Variants in ADGRE2 observed in about 807,000 individuals in gnomAD.
ADGRE2 encodes CD97 antigen.
ADGRE2 carries 83 observed loss-of-function variants against 100.8 expected under a neutral mutation model. The observed-to-expected ratio is 0.82, with a 90% confidence interval of 0.69 to 0.99. The LOEUF is 0.99. Ranked by LOEUF, ADGRE2 falls within the 50% of genes least tolerant of loss-of-function variation. The probability of loss-of-function intolerance (pLI) is 0.00; values close to 1 mark genes in which losing one functional copy is unlikely to be tolerated. For synonymous variants in ADGRE2, 355 were observed against 413.0 expected, an observed-to-expected ratio of 0.86 and a Z score of 1.70; for missense variants, 814 against 1,035.7, an observed-to-expected ratio of 0.79 and a Z score of 2.94.
intron 20 of ADGRE2, 58 bp from the exon 21 acceptor site, chr19:14,736,302 C>T (rs2042743661): frequency 8.8e-6 from 11 of 1,243,794 alleles, no homozygotes; most frequent in Non-Finnish European, 1.3e-5. Context: ...ACTCTTGTTG[C>T]CTGGGCTGGA....
At chr19:14,763,841 C>G (rs1202212410) in intron 11 of ADGRE2, among the ~76,000 whole-genome samples, 3 of 112,170 alleles carry the variant, frequency 2.7e-5, no homozygotes, top group African/African-American at 9.9e-5. Flanking sequence ...CTCCTTCTCT[C>G]CTCCTCCTCT....
chr19:14,768,593 C>T (rs560747243), intron 5 of ADGRE2, among the ~76,000 whole-genome samples: 15 of 152,262 alleles, frequency 9.9e-5, no homozygotes, highest in South Asian at 6.2e-4. Flanking sequence ...AGGCTTGGAG[C>T]AATGGCCCTG....
At chr19:14,759,780 C>A (rs2043646238) in intron 11 of ADGRE2, among the ~76,000 whole-genome samples, 1 of 150,124 alleles carries the variant, frequency 6.7e-6, no homozygotes, top group African/African-American at 2.5e-5. Flanking sequence ...CGGGTGTGAG[C>A]CACCAAGCCA....
rs149318162 is a variant in ADGRE2 at position 14,751,892 on chromosome 19, T to TACAC, written c.1789-225_1789-222dup. 8.7e-3 allele frequency among the ~76,000 whole-genome samples: 1,211 copies of TACAC among 139,598 alleles called. 22 individuals carry two copies. The highest frequency in any genetic ancestry group is 0.029 in the African/African-American group (1,078 of 37,652). The allele number at this position is 139,598 out of a possible 152,430, so 91.6% of individuals were successfully genotyped here. On this transcript the variant is annotated intron_variant, in intron 15 of 20. Transcript: ENST00000315576. ...ATATATATACGTGTATATATACGTATACACACACACACACACACACATATA... is the reference window on the plus strand; with the variant it reads ...ATATATATACGTGTATATATACGTATACACACACACACACACACACACACATATA...
At chr19:14,769,919 C>T (rs1213024628) in intron 5 of ADGRE2, among the ~76,000 whole-genome samples, 15 of 152,128 alleles carry the variant, frequency 9.9e-5, no homozygotes, top group African/African-American at 1.4e-4. Flanking sequence ...AGGATGGTCT[C>T]GATCTCCTGA....
chr19:14,769,852 C>A (rs576566135), intron 5 of ADGRE2, among the ~76,000 whole-genome samples: 1 of 152,134 alleles, frequency 6.6e-6, no homozygotes, highest in Non-Finnish European at 1.5e-5. Context: ...CACCCACCAC[C>A]ACGCCCAGCT....
At chr19:14,773,646 G>C (rs1035936174) in intron 4 of ADGRE2, among the ~76,000 whole-genome samples, 2 of 151,834 alleles carry the variant, frequency 1.3e-5, no homozygotes, top group African/African-American at 2.4e-5. Context: ...TGAGTAGCTG[G>C]GACTCCAGAT....
At chr19:14,758,758 G>C (rs558596557) in intron 11 of ADGRE2, among the ~76,000 whole-genome samples, 1 of 151,828 alleles carries the variant, frequency 6.6e-6, no homozygotes, top group Non-Finnish European at 1.5e-5. Context: ...GGTGGTGGGC[G>C]CCTGTAGTCC....
At chr19:14,763,159 C>T (rs1175605322) in intron 11 of ADGRE2, among the ~76,000 whole-genome samples, 2 of 151,960 alleles carry the variant, frequency 1.3e-5, no homozygotes, top group African/African-American at 2.4e-5. Flanking sequence ...CTGGCTAACA[C>T]GGTGCAACCC....
chr19:14,736,073 G>T lies in ADGRE2; in HGVS notation c.*163C>A. ...CATGGAAGATTTCCGGTTTCTGCAG[G>T]AATTGAATGCCTAGCACGCCTTCCA... On this transcript the variant is annotated 3_prime_UTR_variant, in exon 21 of 21. Coordinates refer to ENST00000315576, the MANE Select transcript of ADGRE2 (RefSeq NM_013447.4). The T allele has an allele frequency of 1.5e-6, 1 of 664,340 alleles. No homozygotes were observed. The highest frequency in any genetic ancestry group is 2.6e-4 in the Middle Eastern group (1 of 3,794). 41.2% of individuals were successfully genotyped at this position (664,340 alleles called of 1,614,324 possible).
At chr19:14,763,684 TCTC>T (rs1316896047) in intron 11 of ADGRE2, among the ~76,000 whole-genome samples, 32 of 58,530 alleles carry the variant, frequency 5.5e-4, no homozygotes, top group African/African-American at 1.8e-3. Flanking sequence ...CTCCTTCTCT[TCTC>T]CTCCTCTTCT....
In ADGRE2 at chr19:14,734,650, C is replaced by T. The variant is rs903279227; in HGVS notation, c.*1586G>A. On this transcript the variant is annotated 3_prime_UTR_variant, in exon 21 of 21. Transcript: ENST00000315576. ...CCATGTTGACCAGGCTGGTCTTGAA[C>T]TCCTGACCTTAGGTGATCTGACCAC... The T allele has an allele frequency of 1.3e-5, 2 of 152,222 alleles. No individual in the cohort carries two copies. The highest frequency in any genetic ancestry group is 2.9e-5 in the Non-Finnish European group (2 of 68,076). 9.4% of individuals were successfully genotyped at this position (152,222 alleles called of 1,614,324 possible).
In ADGRE2 at chr19:14,751,646, G is replaced by A. The variant is rs4410209; in HGVS notation, c.1814C>T (p.Thr605Ile). Residue 605 changes from threonine to isoleucine, a missense_variant, in exon 16 of 21, where the codon ACC (threonine) becomes ATC (isoleucine). Thr to Ile is a moderately conservative substitution (Grantham distance 89). Around this residue, in one of 5 missense-constraint regions of ADGRE2, gnomAD observed 569 missense variants for 692.7 expected, o/e 0.82. Coordinates refer to ENST00000315576, the MANE Select transcript of ADGRE2 (RefSeq NM_013447.4). The part of the protein sequence containing the change: ...HKVLCSIIAG[T>I]LHYLYLATLT... Reference sequence around the variant, plus strand: ...GGTGGCCAGGTAGAGATAGTGCAAGGTACCGGCGATGATGGAGCACAGCAC... The same window carrying A: ...GGTGGCCAGGTAGAGATAGTGCAAGATACCGGCGATGATGGAGCACAGCAC... 7.9e-3 allele frequency: 12,776 copies of A among 1,613,924 alleles called. 931 individuals are homozygous for A. The African/African-American group carries it at 0.15, about 19-fold the overall frequency.
intron 5 of ADGRE2, among the ~76,000 whole-genome samples, chr19:14,768,548 C>T (rs963423960): frequency 9.2e-5 from 14 of 152,286 alleles, no homozygotes; most frequent in African/African-American, 3.1e-4. Context: ...GGTTCCACTC[C>T]CATGGGATCT....
At chr19:14,729,553 A>G (rs981322985), downstream of ADGRE2, among the ~76,000 whole-genome samples, 2 of 151,858 alleles carry the variant, frequency 1.3e-5, no homozygotes, top group African/African-American at 4.8e-5. Flanking sequence ...GGGTTTCTCC[A>G]TTTTGCCCAG....
rs967356910 is a variant in ADGRE2, at chr19:14,770,566, G to A, written c.355+1776C>T. 3.3e-5 allele frequency among the ~76,000 whole-genome samples: 5 copies of A among 152,086 alleles called. No homozygotes were observed. In the South Asian group the frequency reaches 6.2e-4, roughly 19 times the overall value. ...CTACATATGGATGCCCAGCCAAGGC[G>A]GTGAGCAGAGGCTGAAAACCTCTCC... On this transcript the variant is annotated intron_variant, in intron 5 of 20. Coordinates refer to ENST00000315576, the MANE Select transcript of ADGRE2 (RefSeq NM_013447.4).
rs1422199497 is a variant in ADGRE2, at chr19:14,735,490, C to G, written c.*746G>C. ...TGGAATATTTAGGAGTTTTGCAGGT[C>G]ATTCCTTTGAAATGGAATTTGTTGC... On this transcript the variant is annotated 3_prime_UTR_variant, in exon 21 of 21. Coordinates refer to ENST00000315576, the MANE Select transcript of ADGRE2 (RefSeq NM_013447.4). The G allele has an allele frequency of 6.6e-6, 1 of 152,210 alleles. No individual in the cohort carries two copies. The allele number at this position is 152,210 out of a possible 1,614,324, so 9.4% of individuals were successfully genotyped here. A position where few individuals can be genotyped will look rare whatever the true frequency, so the allele number is the denominator to read the frequency against.
chr19:14,776,980 A>ACACACACACACACACT, intron 1 of ADGRE2, 53 bp from the exon 2 acceptor site: 4 of 638,488 alleles, frequency 6.3e-6, no homozygotes, highest in Middle Eastern at 1.1e-3. Flanking sequence ...GGCGCTGCAC[A>ACACACACACACACACT]CACACACACA....
chr19:14,773,092 AAAAAAAC>A (rs2044274035), intron 4 of ADGRE2, among the ~76,000 whole-genome samples: 5 of 147,172 alleles, frequency 3.4e-5, no homozygotes, highest in African/African-American at 1.3e-4. Flanking sequence ...AAAAAAAAAA[AAAAAAAC>A]AAAAAAAAAA....
Sources: allele counts gnomAD v4.1 joint callset (sites outside exome capture counted in the v4.1 genomes callset), GRCh38; gene constraint gnomAD v4.1.1; regional missense constraint gnomAD v4.1.1; transcripts MANE v1.5; gene names NCBI Gene and HGNC (gene_info 2026-07-23, HGNC 2026-07-21).